Variants in CEP250 observed in about 807,000 individuals in gnomAD.
The protein encoded by CEP250 is centrosomal protein 250.
In CEP250, 242 loss-of-function variants were observed where a neutral mutation model predicts 315.7. The observed-to-expected ratio is 0.77, with a 90% CI of 0.69 to 0.85. The LOEUF (loss-of-function observed/expected upper bound fraction) is 0.85, where lower values mean the gene tolerates loss of function less well. Ranked by LOEUF, CEP250 falls within the 40% of genes least tolerant of loss-of-function variation. The pLI, the probability that CEP250 is intolerant of heterozygous loss-of-function variation, is 0.00. For missense variants in CEP250, 2,515 were observed against 2,886.4 expected, an observed-to-expected ratio of 0.87 and a Z score of 2.95; for synonymous variants, 1,088 against 1,175.0, an observed-to-expected ratio of 0.93 and a Z score of 1.51.
intron 30 of CEP250, among the ~76,000 whole-genome samples, 162 bp from the exon 31 acceptor site, chr20:35,507,576 T>C (rs2064222397): frequency 6.6e-6 from 1 of 152,048 alleles, no homozygotes; most frequent in Admixed American, 6.6e-5. Context: ...TTGTTTTACC[T>C]ATCTGTAAAA....
intron 11 of CEP250, among the ~76,000 whole-genome samples, chr20:35,472,375 A>C (rs1053475762): frequency 6.6e-6 from 1 of 152,252 alleles, no homozygotes; most frequent in Non-Finnish European, 1.5e-5. Flanking sequence ...TTCTAGCTGC[A>C]GTTCTCAGGC....
intron 20 of CEP250, among the ~76,000 whole-genome samples, chr20:35,487,747 C>T (rs190086787): frequency 6.6e-6 from 1 of 152,214 alleles, no homozygotes; most frequent in African/African-American, 2.4e-5. Context: ...CCAGCCTGGG[C>T]AACATAGCAA....
At chr20:35,481,801 C>T (rs1214557146) in intron 20 of CEP250, among the ~76,000 whole-genome samples, 1 of 152,166 alleles carries the variant, frequency 6.6e-6, no homozygotes, top group Non-Finnish European at 1.5e-5. Flanking sequence ...CTCCTGGGCT[C>T]AGGTGATCCT....
chr20:35,486,235 G>A lies in CEP250; in HGVS notation c.2587-4402G>A, dbSNP rs149317817. On this transcript the variant is annotated intron_variant, in intron 20 of 34. Transcript: ENST00000397527. ...TCACCACATCAGCCAGGCTGGTCTC[G>A]AACTCCTGACCTCAAGACAAGGTCT... Among the ~76,000 whole-genome samples, 13 of 151,750 alleles carry A rather than the reference G, an allele frequency of 8.6e-5. 1 individual carries two copies. In the East Asian group the frequency reaches 1.2e-3, roughly 14 times the overall value.
intron 10 of CEP250, among the ~76,000 whole-genome samples, chr20:35,471,370 G>T (rs1201425179): frequency 6.6e-6 from 1 of 152,210 alleles, no homozygotes; most frequent in South Asian, 2.1e-4. Flanking sequence ...ATGTAGGAAT[G>T]GGGGCTGGGT....
intron 14 of CEP250, 142 bp downstream of exon 14, chr20:35,474,194 T>C: frequency 1.4e-6 from 1 of 706,216 alleles, no homozygotes; most frequent in Non-Finnish European, 2.2e-6. Context: ...TGCTTCTTCC[T>C]TTGCAGAAAG....
intron 22 of CEP250, among the ~76,000 whole-genome samples, chr20:35,491,924 G>A (rs2063709604): frequency 6.8e-6 from 1 of 148,028 alleles, no homozygotes; most frequent in Non-Finnish European, 1.5e-5. Flanking sequence ...AAAAAGGTGT[G>A]GCACAGCAGT....
At chr20:35,510,169 G>A in intron 34 of CEP250, 115 bp downstream of exon 34, 3 of 920,080 alleles carry the variant, frequency 3.3e-6, no homozygotes, top group Non-Finnish European at 1.8e-6. Context: ...CTCCATGGGA[G>A]GCAAAAATAG....
chr20:35,502,734 G>A lies in CEP250; in HGVS notation c.4365G>A (p.Lys1455=), dbSNP rs781392193. The stretch of plus-strand genomic sequence containing the variant: ...TGGAGAAGCAACGGGAAATGCAGAA[G>A]GCTGCTTTGGAATTGCTGTCTCTGG... ...QELEKQREMQ[K]AALELLSLDL... is the part of the protein sequence containing the mutation. Residue 1455 remains lysine, a synonymous_variant, in exon 30 of 35, where the codon AAG becomes AAA. Transcript: ENST00000397527. 8 of 1,614,128 alleles carry A rather than the reference G, an allele frequency of 5.0e-6. No individual in the cohort carries two copies. Among genetic ancestry groups the A allele is most frequent in the Middle Eastern group, 1.6e-4 (1 of 6,084 alleles).
chr20:35,469,936 G>A lies in CEP250; in HGVS notation c.898G>A (p.Glu300Lys). The change falls in exon 10 of 35, where the codon GAA becomes AAA. Residue 300 changes from glutamate (E) to lysine (K), a missense_variant. Coordinates refer to ENST00000397527, the MANE Select transcript of CEP250 (RefSeq NM_007186.6). ...ALLTQSQKQN[E>K]DYEKMIKALR... ...GTTGACCCAGTCTCAGAAGCAAAAT[G>A]AAGATTATGAAAAGATGATAAAGGC... is the stretch of plus-strand genomic sequence containing the variant. 1 of 1,614,008 alleles carries A rather than the reference G, an allele frequency of 6.2e-7. No homozygotes were observed. The highest frequency in any genetic ancestry group is 1.7e-5 in the Admixed American group (1 of 59,996).
chr20:35,470,531 C>T (rs2062998634), intron 10 of CEP250, among the ~76,000 whole-genome samples: 1 of 152,178 alleles, frequency 6.6e-6, no homozygotes, highest in South Asian at 2.1e-4. Flanking sequence ...AGGCAGATCA[C>T]CTGAGGTCGG....
intron 9 of CEP250, among the ~76,000 whole-genome samples, chr20:35,469,685 T>G (rs2146749198): frequency 6.6e-6 from 1 of 152,272 alleles, no homozygotes; most frequent in East Asian, 1.9e-4. Flanking sequence ...TGCATGTGTC[T>G]GAGTGGTTTT....
At chr20:35,499,136 G>A (rs1384391915) in intron 27 of CEP250, among the ~76,000 whole-genome samples, 2 of 152,272 alleles carry the variant, frequency 1.3e-5, no homozygotes, top group Middle Eastern at 3.4e-3. Context: ...TTAGCCAGAG[G>A]TGGCGGTGGG....
Position 35,518,232 on chromosome 20 carries a change from C to T in CEP250, c.*6606C>T, listed in dbSNP as rs561188879. 6.6e-6 allele frequency: 1 copy of T among 151,488 alleles called. No homozygotes were observed. Among genetic ancestry groups the T allele is most frequent in the Non-Finnish European group, 1.5e-5 (1 of 67,914 alleles). 9.4% of individuals were successfully genotyped at this position (151,488 alleles called of 1,614,324 possible). A position where few individuals can be genotyped will look rare whatever the true frequency, so the allele number is the denominator to read the frequency against. Reference sequence around the variant, plus strand: ...CCATAACGGGTCCAGTATCTGGACACGAGGCCGCACTACCTACACCTTTGG... The same window carrying T: ...CCATAACGGGTCCAGTATCTGGACATGAGGCCGCACTACCTACACCTTTGG... On this transcript the variant is annotated 3_prime_UTR_variant, in exon 35 of 35. Transcript: ENST00000397527.
Position 35,469,920 on chromosome 20 carries a change from G to A in CEP250, c.882G>A (p.Gln294=). The A allele has an allele frequency of 2.5e-6, 4 of 1,613,896 alleles. No individual in the cohort carries two copies. The highest frequency in any genetic ancestry group is 3.4e-6 in the Non-Finnish European group (4 of 1,179,834). The change falls in exon 10 of 35, where the codon CAG becomes CAA. Residue 294 remains glutamine, a synonymous_variant. Transcript: ENST00000397527. ...CCGAGCTCTCTGCTCTGTTGACCCA[G>A]TCTCAGAAGCAAAATGAAGATTATG... ...RVTELSALLT[Q]SQKQNEDYEK...
intron 28 of CEP250, among the ~76,000 whole-genome samples, chr20:35,501,545 C>T (rs2064002878): frequency 6.6e-6 from 1 of 152,098 alleles, no homozygotes; most frequent in South Asian, 2.1e-4. Flanking sequence ...TCTGGCTCAA[C>T]CCTGTCTGGA....
chr20:35,482,293 G>T (rs1347450883), intron 20 of CEP250, among the ~76,000 whole-genome samples: 1 of 151,956 alleles, frequency 6.6e-6, no homozygotes, highest in African/African-American at 2.4e-5. Context: ...GTGCAGTGGC[G>T]CAATCTTGGC....
At position 35,472,767 on chromosome 20, in the gene CEP250, A is replaced by G. The variant is rs758402093; in HGVS notation, c.1145A>G (p.Gln382Arg). 2.5e-6 allele frequency: 4 copies of G among 1,614,198 alleles called. No individual in the cohort carries two copies. Residue 382 changes from glutamine to arginine, a missense_variant, in exon 12 of 35, where the codon CAG becomes CGG. Transcript: ENST00000397527. ...AGTATCTTCTCCCAGTTTGATTACC[A>G]GGATGCAGACAAGGCTCTTACTCTG... ...DSSIFSQFDY[Q>R]DADKALTLVR...
At chr20:35,490,554 A>G in intron 20 of CEP250, 83 bp from the exon 21 acceptor site, 1 of 1,327,736 alleles carries the variant, frequency 7.5e-7, no homozygotes, top group Admixed American at 2.3e-5. Flanking sequence ...TGAGTAGTAG[A>G]GAGACTTTGT....
Sources: gnomAD v4.1 joint callset for allele counts (sites outside exome capture counted in the v4.1 genomes callset) on GRCh38, gnomAD v4.1.1 for gene constraint, MANE v1.5 for transcripts, NCBI Gene and HGNC (gene_info 2026-07-23, HGNC 2026-07-21) for gene names.